The following COL22A1 variants were observed in gnomAD, a reference collection of about 807,000 sequenced individuals.
COL22A1 encodes collagen alpha-1(XXII) chain.
In COL22A1, 221 loss-of-function variants were observed where a neutral mutation model predicts 248.9. That is an observed-to-expected ratio of 0.89 (90% CI 0.80 to 0.99). COL22A1 has a LOEUF of 0.99. COL22A1 is among the 50% of genes least tolerant of loss of function. The probability of loss-of-function intolerance (pLI) is 0.00; values close to 1 mark genes in which losing one functional copy is unlikely to be tolerated. For missense variants in COL22A1, 2,240 were observed against 2,179.0 expected (o/e 1.03, Z -0.56); for synonymous variants, 891 against 793.4 (o/e 1.12, Z -2.07).
At chr8:138,693,832 G>T in intron 34 of COL22A1, 133 bp from the exon 35 acceptor site, 1 of 859,694 alleles carries the variant, frequency 1.2e-6, no homozygotes, top group Non-Finnish European at 1.9e-6. Flanking sequence ...CGGGAGCACC[G>T]TCTAAAAGGT....
At chr8:138,866,268 A>T (rs1391197318) in intron 3 of COL22A1, among the ~76,000 whole-genome samples, 2 of 152,188 alleles carry the variant, frequency 1.3e-5, no homozygotes, top group African/African-American at 2.4e-5. Context: ...ATCCCTACTC[A>T]TTCTCTGACA....
chr8:138,811,604 A>G (rs1818232023), intron 9 of COL22A1, among the ~76,000 whole-genome samples, 195 bp downstream of exon 9: 1 of 152,140 alleles, frequency 6.6e-6, no homozygotes, highest in African/African-American at 2.4e-5. Flanking sequence ...AGCTTTCATC[A>G]GGACCTGGTA....
chr8:138,811,177 C>G (rs1818177821), intron 9 of COL22A1, among the ~76,000 whole-genome samples: 1 of 151,744 alleles, frequency 6.6e-6, no homozygotes, highest in Non-Finnish European at 1.5e-5. Context: ...TTATTCTAGT[C>G]TCAGTCCATT....
At chr8:138,821,082 G>A (rs765518628) in intron 7 of COL22A1, 54 bp downstream of exon 7, 27 of 1,587,416 alleles carry the variant, frequency 1.7e-5, no homozygotes, top group Non-Finnish European at 2.3e-5. Flanking sequence ...TAGCTCCCAA[G>A]GCTTCTCCCC....
rs539492044 is a variant in COL22A1, at chr8:138,588,905, C to T, written c.*348G>A. On this transcript the variant is annotated 3_prime_UTR_variant, in exon 65 of 65. Transcript: ENST00000303045. ...AGAGTTTCCTTAAAATGGGCAGTTA[C>T]GCGTCAGATGGGGGCTGTCAGAAGA... 5 of 172,950 alleles carry T rather than the reference C, an allele frequency of 2.9e-5. No homozygotes were observed. Among genetic ancestry groups the T allele is most frequent in the South Asian group, 1.9e-4 (1 of 5,350 alleles). 10.7% of individuals were successfully genotyped at this position (172,950 alleles called of 1,614,324 possible). A position where few individuals can be genotyped will look rare whatever the true frequency, so the allele number is the denominator to read the frequency against.
At chr8:138,625,122 C>T (rs1194477128) in intron 51 of COL22A1, among the ~76,000 whole-genome samples, 4 of 152,176 alleles carry the variant, frequency 2.6e-5, no homozygotes, top group African/African-American at 4.8e-5. Flanking sequence ...AATAGAAATG[C>T]GATCACCAGA....
chr8:138,672,764 C>T (rs1825143622), intron 41 of COL22A1, among the ~76,000 whole-genome samples: 1 of 152,176 alleles, frequency 6.6e-6, no homozygotes. Flanking sequence ...TGTATTCCTC[C>T]CAATTTCCTT....
At chr8:138,882,048 A>G (rs1268311849) in intron 2 of COL22A1, among the ~76,000 whole-genome samples, 1 of 152,116 alleles carries the variant, frequency 6.6e-6, no homozygotes, top group African/African-American at 2.4e-5. Context: ...GCCTTTGCTA[A>G]GTGGGCTCCA....
At chr8:138,745,171 T>C (rs1314016473) in intron 22 of COL22A1, among the ~76,000 whole-genome samples, 2 of 147,376 alleles carry the variant, frequency 1.4e-5, no homozygotes, top group South Asian at 2.1e-4. Flanking sequence ...CAATATACAA[T>C]TTTTTTTTAC....
At chr8:138,647,202 G>A (rs1822277102) in intron 46 of COL22A1, among the ~76,000 whole-genome samples, 1 of 152,140 alleles carries the variant, frequency 6.6e-6, no homozygotes, top group Non-Finnish European at 1.5e-5. Context: ...CATGTGGTAA[G>A]GAACTGAGGT....
chr8:138,821,025 T>C lies in COL22A1; in HGVS notation c.1245+111A>G. 6.6e-6 allele frequency: 8 copies of C among 1,216,064 alleles called. No homozygotes were observed. The South Asian group carries it at 1.2e-4, about 18-fold the overall frequency. The allele number at this position is 1,216,064 out of a possible 1,614,324, so 75.3% of individuals were successfully genotyped here. A position where few individuals can be genotyped will look rare whatever the true frequency, so the allele number is the denominator to read the frequency against. On this transcript the variant is annotated intron_variant, in intron 7 of 64. Transcript: ENST00000303045. ...TTCCTTCTAAGACGGTCCAAGGTGA[T>C]GATTTGGTACCTGGTTCATGCAGGT...
intron 30 of COL22A1, among the ~76,000 whole-genome samples, chr8:138,713,247 G>T (rs537766860): frequency 1.3e-5 from 2 of 152,098 alleles, no homozygotes; most frequent in Non-Finnish European, 2.9e-5. Flanking sequence ...GATGGGGTGG[G>T]GGGGCGGTGC....
chr8:138,640,782 T>C (rs1821613850), intron 47 of COL22A1, among the ~76,000 whole-genome samples: 1 of 152,174 alleles, frequency 6.6e-6, no homozygotes, highest in South Asian at 2.1e-4. Flanking sequence ...ATGAGACAGA[T>C]TGTACAATTC....
chr8:138,789,875 C>T (rs1408401338), intron 12 of COL22A1, among the ~76,000 whole-genome samples: 1 of 152,220 alleles, frequency 6.6e-6, no homozygotes, highest in East Asian at 1.9e-4. Flanking sequence ...AGACTGATGT[C>T]ATGATTCTTC....
intron 3 of COL22A1, among the ~76,000 whole-genome samples, chr8:138,868,588 C>T (rs117908207): frequency 0.011 from 1,718 of 152,268 alleles, 20 homozygotes; most frequent in Admixed American, 0.023. Flanking sequence ...TAAATACACA[C>T]TCACACACAA....
chr8:138,591,776 G>A (rs1482599215), intron 63 of COL22A1, among the ~76,000 whole-genome samples: 1 of 152,084 alleles, frequency 6.6e-6, no homozygotes, highest in East Asian at 1.9e-4. Context: ...ATCTACATAT[G>A]AACATTTGCT....
intron 63 of COL22A1, among the ~76,000 whole-genome samples, chr8:138,591,918 C>T (rs1307644298): frequency 6.6e-6 from 1 of 152,138 alleles, no homozygotes; most frequent in Admixed American, 6.5e-5. Context: ...CTCTCATATG[C>T]CGTACACACA....
At chr8:138,794,260 G>A (rs192838003) in intron 12 of COL22A1, among the ~76,000 whole-genome samples, 56 of 152,124 alleles carry the variant, frequency 3.7e-4, no homozygotes, top group African/African-American at 1.3e-3. Context: ...GGTGATGCAC[G>A]CCTGTAGTCC....
intron 12 of COL22A1, among the ~76,000 whole-genome samples, chr8:138,793,574 T>C (rs1276516400): frequency 2.0e-5 from 3 of 152,094 alleles, no homozygotes; most frequent in Non-Finnish European, 4.4e-5. Flanking sequence ...TGCAGGAAAA[T>C]GTCAACCAAG....
Sources: gnomAD v4.1 joint callset for allele counts (sites outside exome capture counted in the v4.1 genomes callset) on GRCh38, gnomAD v4.1.1 for gene constraint, MANE v1.5 for transcripts, NCBI Gene and HGNC (gene_info 2026-07-23, HGNC 2026-07-21) for gene names.